The following TMC2 variants were observed in gnomAD, a reference collection of about 807,000 sequenced individuals.
TMC2 encodes transmembrane channel-like protein 2.
Under a neutral mutation model 105.9 loss-of-function variants are expected in TMC2, and 102 were observed. That is an observed-to-expected ratio of 0.96 (90% CI 0.82 to 1.14). The LOEUF (loss-of-function observed/expected upper bound fraction) is 1.14. TMC2 is among the 50% of genes most tolerant of loss of function. The pLI is 0.00. For missense variants in TMC2, 1,093 were observed against 1,134.3 expected, an observed-to-expected ratio of 0.96 and a Z score of 0.52; for synonymous variants, 402 against 422.8, an observed-to-expected ratio of 0.95 and a Z score of 0.60.
At chr20:2,588,734 G>A (rs572106341) in intron 7 of TMC2, among the ~76,000 whole-genome samples, 1 of 115,386 alleles carries the variant, frequency 8.7e-6, no homozygotes, top group South Asian at 2.9e-4. Context: ...TTGTCTCAGT[G>A]AGCCTTGTCT....
At chr20:2,563,681 A>G (rs1276733164) in intron 4 of TMC2, among the ~76,000 whole-genome samples, 2 of 152,204 alleles carry the variant, frequency 1.3e-5, no homozygotes, top group Non-Finnish European at 2.9e-5. Flanking sequence ...TCGATTTGAC[A>G]ATTCATAATG....
At chr20:2,579,424 A>AT (rs941208366) in intron 6 of TMC2, among the ~76,000 whole-genome samples, 197 bp downstream of exon 6, 2 of 145,310 alleles carry the variant, frequency 1.4e-5, no homozygotes, top group African/African-American at 5.1e-5. Flanking sequence ...TTATTTATTT[A>AT]TTTTTATTTA....
intron 11 of TMC2, among the ~76,000 whole-genome samples, chr20:2,606,891 C>CTTTTTTTTT (rs11476357): frequency 3.1e-4 from 26 of 83,976 alleles, no homozygotes; most frequent in African/African-American, 7.1e-4. Context: ...TTTCTTTTTT[C>CTTTTTTTTT]TTTTTTTTTT....
chr20:2,547,758 A>G (rs1356422319), intron 2 of TMC2, among the ~76,000 whole-genome samples: 1 of 152,238 alleles, frequency 6.6e-6, no homozygotes, highest in Non-Finnish European at 1.5e-5. Flanking sequence ...TAAAACATTT[A>G]AAATATTTAA....
chr20:2,583,614 C>A (rs374576150), intron 7 of TMC2, among the ~76,000 whole-genome samples: 1 of 152,130 alleles, frequency 6.6e-6, no homozygotes, highest in Non-Finnish European at 1.5e-5. Flanking sequence ...AGGCATGTGC[C>A]GCCACGCCCT....
intron 7 of TMC2, among the ~76,000 whole-genome samples, chr20:2,587,138 C>A (rs2086237097): frequency 6.6e-6 from 1 of 152,044 alleles, no homozygotes; most frequent in Non-Finnish European, 1.5e-5. Context: ...TTGTATTCTA[C>A]AAATTATCTA....
chr20:2,551,644 G>T (rs577149040), intron 2 of TMC2, among the ~76,000 whole-genome samples: 1 of 152,066 alleles, frequency 6.6e-6, no homozygotes, highest in East Asian at 1.9e-4. Context: ...TTACATTTAG[G>T]TTTATGATCC....
intron 7 of TMC2, among the ~76,000 whole-genome samples, chr20:2,588,549 G>A (rs2086246269): frequency 6.6e-6 from 1 of 152,212 alleles, no homozygotes; most frequent in Admixed American, 6.5e-5. Flanking sequence ...CTTTGGATCT[G>A]TAGCACTTAC....
In TMC2 at chr20:2,641,415, AC is replaced by A. The variant is rs1318176499; in HGVS notation, c.*66del. 2.9e-6 allele frequency: 3 copies of A among 1,044,026 alleles called. No homozygotes were observed. In the East Asian group the frequency reaches 7.7e-5, roughly 27 times the overall value. 64.7% of individuals were successfully genotyped at this position (1,044,026 alleles called of 1,614,324 possible). ...CCTCAAGTACCCCAGTTTCACACAT[AC>A]CAAACCAAGGTTCTCTCCCCTCTTT... On this transcript the variant is annotated 3_prime_UTR_variant, in exon 20 of 20. Transcript: ENST00000358864.
intron 4 of TMC2, among the ~76,000 whole-genome samples, chr20:2,564,203 T>C (rs886211505): frequency 1.6e-5 from 2 of 128,954 alleles, no homozygotes; most frequent in African/African-American, 6.1e-5. Flanking sequence ...CAGGATGGAG[T>C]GCAGTGGCAC....
chr20:2,589,114 G>A (rs530665557), intron 7 of TMC2, among the ~76,000 whole-genome samples: 7 of 151,936 alleles, frequency 4.6e-5, no homozygotes, highest in South Asian at 4.2e-4. Context: ...TGAGTGCTAC[G>A]CATTGTTTGT....
chr20:2,588,826 C>G (rs1203540799), intron 7 of TMC2, among the ~76,000 whole-genome samples: 1 of 151,438 alleles, frequency 6.6e-6, no homozygotes. Flanking sequence ...CTTTTTTAAC[C>G]CTGTATTAAA....
intron 2 of TMC2, among the ~76,000 whole-genome samples, chr20:2,553,017 T>C (rs891261701): frequency 1.3e-4 from 20 of 152,236 alleles, no homozygotes; most frequent in Non-Finnish European, 1.3e-4. Context: ...TTTGAGATTT[T>C]CTACATAGAC....
intron 4 of TMC2, among the ~76,000 whole-genome samples, chr20:2,562,939 C>A (rs993300349): frequency 6.6e-6 from 1 of 151,544 alleles, no homozygotes; most frequent in Non-Finnish European, 1.5e-5. Flanking sequence ...GAGGGAGACT[C>A]TGTATCAAAA....
intron 17 of TMC2, among the ~76,000 whole-genome samples, chr20:2,624,750 T>G (rs1225885192): frequency 6.6e-6 from 1 of 152,166 alleles, no homozygotes; most frequent in Non-Finnish European, 1.5e-5. Flanking sequence ...GAAGGGAAGC[T>G]TCTGGTAACA....
At chr20:2,573,616 G>A (rs6050254) in intron 5 of TMC2, among the ~76,000 whole-genome samples, 99,909 of 143,966 alleles carry the variant, frequency 0.69, 35,076 homozygotes, top group African/African-American at 0.81. Context: ...GCTGGAATGC[G>A]GTGGCGCGAC....
chr20:2,598,966 T>G (rs565887765), intron 10 of TMC2, among the ~76,000 whole-genome samples: 3 of 152,310 alleles, frequency 2.0e-5, no homozygotes, highest in African/African-American at 7.2e-5. Flanking sequence ...GAAAAACCCT[T>G]CTGAGGGTGC....
In TMC2 at chr20:2,613,262, A is replaced by G. The variant is rs531223051; in HGVS notation, c.1812A>G (p.Leu604=). The change falls in exon 14 of 20, where the codon CTA becomes CTG. Residue 604 remains leucine (L), a synonymous_variant. Coordinates refer to ENST00000358864, the MANE Select transcript of TMC2 (RefSeq NM_080751.3). ...TCACCATCCTGCTGGGGGACTTCCT[A>G]CGGGCTTGTTTTGTGCGGTTCATGA... ...TYITILLGDF[L]RACFVRFMNY... 4.3e-5 allele frequency: 70 copies of G among 1,614,018 alleles called. 2 individuals are homozygous for G. In the South Asian group the frequency reaches 4.7e-4, roughly 11 times the overall value.
At chr20:2,634,156 G>A (rs1411059058) in intron 17 of TMC2, among the ~76,000 whole-genome samples, 2 of 152,144 alleles carry the variant, frequency 1.3e-5, no homozygotes, top group East Asian at 3.9e-4. Flanking sequence ...TTCAGCTACA[G>A]GATAGTCTGA....
Sources: allele counts gnomAD v4.1 joint callset (sites outside exome capture counted in the v4.1 genomes callset), GRCh38; gene constraint gnomAD v4.1.1; transcripts MANE v1.5; gene names NCBI Gene and HGNC (gene_info 2026-07-23, HGNC 2026-07-21).